VAV3: variants seen among roughly 807,000 people sequenced by gnomAD.
VAV3 encodes the protein guanine nucleotide exchange factor VAV3.
A neutral mutation model predicts 131.2 loss-of-function variants in VAV3; 94 were observed. That is an observed-to-expected ratio of 0.72 (90% CI 0.61 to 0.85). The LOEUF (loss-of-function observed/expected upper bound fraction) is 0.85, where lower values mean the gene tolerates loss of function less well. Ranked by LOEUF, VAV3 falls within the 40% of genes least tolerant of loss-of-function variation. The probability of loss-of-function intolerance (pLI) is 0.00; values close to 1 mark genes in which losing one functional copy is unlikely to be tolerated. For synonymous variants in VAV3, 349 were observed against 342.0 expected (o/e 1.02, Z -0.22); for missense variants, 939 against 1,002.7 (o/e 0.94, Z 0.86).
chr1:107,858,205 C>T (rs1263973768), intron 2 of VAV3, among the ~76,000 whole-genome samples: 2 of 152,138 alleles, frequency 1.3e-5, no homozygotes, highest in Non-Finnish European at 2.9e-5. Context: ...AATTTCCTTG[C>T]TTTCTTCCCA....
At chr1:107,581,773 G>A (rs1037325985) in intron 25 of VAV3, among the ~76,000 whole-genome samples, 3 of 152,122 alleles carry the variant, frequency 2.0e-5, no homozygotes, top group African/African-American at 2.4e-5. Flanking sequence ...TGCCTTGATC[G>A]TGCTATTAAT....
chr1:107,631,194 T>C (rs1370137573), intron 20 of VAV3, among the ~76,000 whole-genome samples: 1 of 152,092 alleles, frequency 6.6e-6, no homozygotes, highest in Non-Finnish European at 1.5e-5. Flanking sequence ...TATTTACAGA[T>C]ATATAAAATT....
chr1:107,686,700 A>T (rs1202837508), intron 18 of VAV3, among the ~76,000 whole-genome samples: 1 of 152,222 alleles, frequency 6.6e-6, no homozygotes, highest in Admixed American at 6.5e-5. Context: ...GAAGAGTGAA[A>T]CAAGTCACTA....
chr1:107,926,222 A>C (rs954189953), intron 1 of VAV3, among the ~76,000 whole-genome samples: 4 of 152,160 alleles, frequency 2.6e-5, no homozygotes, highest in Non-Finnish European at 5.9e-5. Flanking sequence ...TGGAGGTTGC[A>C]GTGAGCCAAG....
intron 2 of VAV3, among the ~76,000 whole-genome samples, chr1:107,781,241 G>A (rs1352664331): frequency 6.6e-6 from 1 of 152,114 alleles, no homozygotes; most frequent in African/African-American, 2.4e-5. Context: ...AGAATTAAAT[G>A]AGATCATGCC....
intron 22 of VAV3, among the ~76,000 whole-genome samples, chr1:107,605,873 A>G (rs1051348345): frequency 6.6e-6 from 1 of 152,206 alleles, no homozygotes; most frequent in Non-Finnish European, 1.5e-5. Context: ...TCCGGTCCCA[A>G]GCATTTTGAA....
chr1:107,683,468 A>C lies in VAV3; in HGVS notation c.1777+20T>G. ...ACTTAGCTGAAGCCATAATTATGGA[A>C]GGTTTAATCAGAAACACACCTGGAT... On this transcript the variant is annotated intron_variant, in intron 19 of 26. Coordinates refer to ENST00000370056, the MANE Select transcript of VAV3 (RefSeq NM_006113.5). 15 of 1,613,680 alleles carry C rather than the reference A, an allele frequency of 9.3e-6. No individual in the cohort carries two copies. The highest frequency in any genetic ancestry group is 1.3e-5 in the Non-Finnish European group (15 of 1,179,604).
At chr1:107,893,150 G>A (rs536106212) in intron 1 of VAV3, among the ~76,000 whole-genome samples, 2 of 152,134 alleles carry the variant, frequency 1.3e-5, no homozygotes, top group Non-Finnish European at 2.9e-5. Flanking sequence ...CAGTTATTCT[G>A]TCACGAACAT....
At position 107,766,442 on chromosome 1, in the gene VAV3, G is replaced by C; in HGVS notation, c.821+5C>G. ...GACCCACAAAACTTAAACTTCAAAA[G>C]TTACCTTTCCTTGTAGTTAATAAAA... is the stretch of plus-strand genomic sequence containing the variant. On this transcript the variant is annotated splice_donor_5th_base_variant and intron_variant, in intron 8 of 26. Coordinates refer to ENST00000370056, the MANE Select transcript of VAV3 (RefSeq NM_006113.5). The C allele has an allele frequency of 6.3e-7, 1 of 1,596,532 alleles. No homozygotes were observed. Among genetic ancestry groups the C allele is most frequent in the Non-Finnish European group, 8.6e-7 (1 of 1,166,532 alleles).
chr1:107,750,861 T>G (rs1663677019), intron 13 of VAV3, among the ~76,000 whole-genome samples: 1 of 152,224 alleles, frequency 6.6e-6, no homozygotes, highest in Admixed American at 6.5e-5. Flanking sequence ...CTCTTCTCAT[T>G]TTAATGTATC....
chr1:107,749,380 T>C, intron 14 of VAV3, 82 bp downstream of exon 14: 1 of 1,406,190 alleles, frequency 7.1e-7, no homozygotes, highest in Non-Finnish European at 9.5e-7. Flanking sequence ...ATAAGCCATA[T>C]CTCACATTAA....
chr1:107,612,139 T>C (rs1310744900), intron 21 of VAV3, among the ~76,000 whole-genome samples: 1 of 149,558 alleles, frequency 6.7e-6, no homozygotes, highest in Non-Finnish European at 1.5e-5. Flanking sequence ...TATATATATA[T>C]ATATACACAC....
chr1:107,859,511 A>G (rs1669640869), intron 2 of VAV3, among the ~76,000 whole-genome samples: 2 of 152,216 alleles, frequency 1.3e-5, no homozygotes, highest in African/African-American at 4.8e-5. Flanking sequence ...TAATAGTCCT[A>G]AAATACTTGT....
In VAV3 at chr1:107,850,940, T is replaced by C. The variant is rs1377190617; in HGVS notation, c.321+23961A>G. Among the ~76,000 whole-genome samples, 4 of 152,094 alleles carry C rather than the reference T, an allele frequency of 2.6e-5. No individual in the cohort carries two copies. In the East Asian group the frequency reaches 7.7e-4, roughly 29 times the overall value. On this transcript the variant is annotated intron_variant, in intron 2 of 26. Coordinates refer to ENST00000370056, the MANE Select transcript of VAV3 (RefSeq NM_006113.5). ...GTACAGGTAAGTGTGCCCTTGGCAT[T>C]GCCCTCCACAGCAACAGAACTTGAA...
In VAV3 at chr1:107,875,047, A is replaced by T. The variant is rs12072731; in HGVS notation, c.205-30T>A. The T allele has an allele frequency of 7.9e-4, 1,247 of 1,570,980 alleles. 6 individuals are homozygous for T. In the African/African-American group the frequency reaches 0.015, roughly 19 times the overall value. ...GGAATGGAAAAGAGCTGTTAGCATAAAGTTAATTATTCTGAATGCTATCCA... is the reference window on the plus strand; with the variant it reads ...GGAATGGAAAAGAGCTGTTAGCATATAGTTAATTATTCTGAATGCTATCCA... On this transcript the variant is annotated intron_variant, in intron 1 of 26. Transcript: ENST00000370056.
At chr1:107,912,555 TGAGATCC>T (rs1672421607) in intron 1 of VAV3, among the ~76,000 whole-genome samples, 1 of 152,218 alleles carries the variant, frequency 6.6e-6, no homozygotes, top group Non-Finnish European at 1.5e-5. Context: ...GAGAAAAGCC[TGAGATCC>T]GATTTCCCAA....
chr1:107,698,222 G>T (rs1027927468), intron 17 of VAV3, among the ~76,000 whole-genome samples: 4 of 152,110 alleles, frequency 2.6e-5, no homozygotes, highest in African/African-American at 9.7e-5. Flanking sequence ...ACTTTACAAC[G>T]GTATGAAAGT....
At chr1:107,601,516 T>A (rs1651860614) in intron 24 of VAV3, among the ~76,000 whole-genome samples, 2 of 152,194 alleles carry the variant, frequency 1.3e-5, no homozygotes, top group Admixed American at 1.3e-4. Flanking sequence ...GTATGTATCA[T>A]TTGATTGATG....
intron 2 of VAV3, among the ~76,000 whole-genome samples, chr1:107,791,549 C>T (rs77405871): frequency 1.3e-5 from 2 of 152,188 alleles, no homozygotes; most frequent in African/African-American, 4.8e-5. Context: ...GGCAGAGACC[C>T]TGGCTGAATG....
Sources: allele counts gnomAD v4.1 joint callset (sites outside exome capture counted in the v4.1 genomes callset), GRCh38; gene constraint gnomAD v4.1.1; transcripts MANE v1.5; gene names NCBI Gene and HGNC (gene_info 2026-07-23, HGNC 2026-07-21).